CCDC6: variants seen among roughly 807,000 people sequenced by gnomAD.
CCDC6 encodes coiled-coil domain-containing protein 6.
CCDC6 carries 20 observed loss-of-function variants against 56.6 expected under a neutral mutation model. That is an observed-to-expected ratio of 0.35 (90% confidence interval 0.25 to 0.51). The LOEUF is 0.51. Among genes scored for constraint, CCDC6 ranks in the 20% least tolerant of loss-of-function variants. CCDC6 has a pLI of 0.95. For synonymous variants in CCDC6, 241 were observed against 234.4 expected, an observed-to-expected ratio of 1.03 and a Z score of -0.26; for missense variants, 367 against 601.1, an observed-to-expected ratio of 0.61 and a Z score of 4.07.
intron 8 of CCDC6, among the ~76,000 whole-genome samples, chr10:59,793,483 G>A (rs1815637594): frequency 6.6e-6 from 1 of 152,168 alleles, no homozygotes; most frequent in Admixed American, 6.5e-5. Flanking sequence ...CAGCTCAACA[G>A]AAATGTTTCT....
chr10:59,890,143 A>G (rs1438561071), intron 1 of CCDC6, among the ~76,000 whole-genome samples: 3 of 152,218 alleles, frequency 2.0e-5, no homozygotes, highest in Admixed American at 2.0e-4. Flanking sequence ...AAGGCAAGGC[A>G]TAGATAGGCC....
At chr10:59,811,497 T>C (rs553569001) in intron 5 of CCDC6, among the ~76,000 whole-genome samples, 1 of 152,312 alleles carries the variant, frequency 6.6e-6, no homozygotes, top group Non-Finnish European at 1.5e-5. Context: ...GGCATATTCA[T>C]ACAATCAAAT....
At chr10:59,849,722 C>T (rs1360722279) in intron 2 of CCDC6, among the ~76,000 whole-genome samples, 3 of 152,176 alleles carry the variant, frequency 2.0e-5, no homozygotes. Flanking sequence ...GTGAGTGACA[C>T]TTGTAGCATG....
chr10:59,806,713 G>A (rs929008800), intron 6 of CCDC6: 3 of 469,968 alleles, frequency 6.4e-6, no homozygotes, highest in African/African-American at 5.8e-5. Context: ...TTTTAGAGAG[G>A]TGATTTTTTT....
chr10:59,837,472 C>T (rs1308659862), intron 2 of CCDC6, among the ~76,000 whole-genome samples: 2 of 152,080 alleles, frequency 1.3e-5, no homozygotes, highest in African/African-American at 2.4e-5. Flanking sequence ...AGGCCAGGCG[C>T]AGTGGCTCAA....
At chr10:59,865,115 C>A (rs559492977) in intron 1 of CCDC6, among the ~76,000 whole-genome samples, 7 of 152,166 alleles carry the variant, frequency 4.6e-5, no homozygotes, top group Non-Finnish European at 7.3e-5. Context: ...TTACGAGAAA[C>A]CTATCAATGT....
intron 5 of CCDC6, among the ~76,000 whole-genome samples, chr10:59,809,482 C>G (rs2070655192): frequency 6.6e-6 from 1 of 152,168 alleles, no homozygotes; most frequent in Admixed American, 6.5e-5. Flanking sequence ...AGAGAAGGCA[C>G]CAGGTCCAAC....
At chr10:59,884,319 G>C (rs2071367233) in intron 1 of CCDC6, among the ~76,000 whole-genome samples, 1 of 152,194 alleles carries the variant, frequency 6.6e-6, no homozygotes. Flanking sequence ...TTCAGGTCGA[G>C]ACAGCGACGA....
chr10:59,869,389 CA>C (rs1167007522), intron 1 of CCDC6, among the ~76,000 whole-genome samples: 651 of 6,006 alleles, frequency 0.11, 3 homozygotes, highest in African/African-American at 0.29. Context: ...CTTGCTCAGG[CA>C]AAAAAAAAAA....
intron 1 of CCDC6, among the ~76,000 whole-genome samples, chr10:59,902,642 G>A (rs1479416073): frequency 1.3e-5 from 2 of 151,926 alleles, no homozygotes; most frequent in East Asian, 1.9e-4. Context: ...GAGGTGATCC[G>A]CCTGCCTTGG....
intron 1 of CCDC6, among the ~76,000 whole-genome samples, chr10:59,874,141 A>ACACACACG (rs1469138226): frequency 6.6e-6 from 1 of 151,552 alleles, no homozygotes; most frequent in East Asian, 1.9e-4. Context: ...ACACACACAC[A>ACACACACG]CACGCACACA....
At chr10:59,850,768 CTA>C (rs1276240913) in intron 2 of CCDC6, among the ~76,000 whole-genome samples, 1 of 152,056 alleles carries the variant, frequency 6.6e-6, no homozygotes, top group African/African-American at 2.4e-5. Flanking sequence ...CCCTACATTT[CTA>C]TGTCATAGCA....
chr10:59,808,811 TAA>T (rs2070648984), intron 5 of CCDC6, among the ~76,000 whole-genome samples: 1 of 152,234 alleles, frequency 6.6e-6, no homozygotes, highest in African/African-American at 2.4e-5. Flanking sequence ...TTTTAGCCAA[TAA>T]AGACTTCTGA....
At chr10:59,804,288 G>A in intron 7 of CCDC6, 132 bp downstream of exon 7, 1 of 610,276 alleles carries the variant, frequency 1.6e-6, no homozygotes, top group East Asian at 2.8e-5. Flanking sequence ...ATGAGTTTTT[G>A]ATGTTTTTGA....
At chr10:59,892,526 G>A (rs1409005039) in intron 1 of CCDC6, among the ~76,000 whole-genome samples, 5 of 152,206 alleles carry the variant, frequency 3.3e-5, no homozygotes, top group Middle Eastern at 3.4e-3. Context: ...AACCACCCCC[G>A]CTCAGCTTTC....
At chr10:59,901,026 C>T (rs1470907465) in intron 1 of CCDC6, among the ~76,000 whole-genome samples, 1 of 152,018 alleles carries the variant, frequency 6.6e-6, no homozygotes, top group Admixed American at 6.6e-5. Flanking sequence ...CCACTGCACT[C>T]CAGTCTGGGT....
Position 59,793,001 on chromosome 10 carries a change from T to C in CCDC6, c.1341A>G (p.Pro447=). The change falls in exon 9 of 9, where the codon CCA becomes CCG. Residue 447 remains proline, a synonymous_variant. Coordinates refer to ENST00000263102, the MANE Select transcript of CCDC6 (RefSeq NM_005436.5). ...CTGAGGGGACCGTGGGCTGCATGGG[T>C]GGCGGAGGTGGAGGCGGAGGTGGCT... ...PVQPPPPPPP[P]PMQPTVPSAA... The C allele has an allele frequency of 6.2e-7, 1 of 1,612,640 alleles. No homozygotes were observed. Among genetic ancestry groups the C allele is most frequent in the Non-Finnish European group, 8.5e-7 (1 of 1,178,972 alleles).
At chr10:59,843,683 T>G (rs1054403466) in intron 2 of CCDC6, among the ~76,000 whole-genome samples, 1 of 152,216 alleles carries the variant, frequency 6.6e-6, no homozygotes, top group Non-Finnish European at 1.5e-5. Flanking sequence ...AGGAGAAGCT[T>G]GTAGCCTAGG....
At position 59,804,501 on chromosome 10, in the gene CCDC6, C is replaced by T. The variant is rs759049371; in HGVS notation, c.1024G>A (p.Ala342Thr). ...DDERYFNEMS[A>T]QGLRPRTVSS... ...ACAGTGCGAGGTCTTAATCCTTGTG[C>T]AGACATCTCATTAAAATACCTAAGA... The change falls in exon 7 of 9, where the codon GCA becomes ACA. Residue 342 changes from alanine (A) to threonine (T), a missense_variant. By Grantham distance (58) the Ala-to-Thr change is moderately conservative. This residue lies in a region of CCDC6 where 81 missense variants were observed against 150.8 expected (regional missense o/e 0.54). Transcript: ENST00000263102. 1.9e-6 allele frequency: 3 copies of T among 1,608,116 alleles called. No homozygotes were observed. Among genetic ancestry groups the T allele is most frequent in the Non-Finnish European group, 2.6e-6 (3 of 1,174,562 alleles).
Sources: gnomAD v4.1 joint callset for allele counts (sites outside exome capture counted in the v4.1 genomes callset) on GRCh38, gnomAD v4.1.1 for gene constraint, gnomAD v4.1.1 regional missense constraint, MANE v1.5 for transcripts, NCBI Gene and HGNC (gene_info 2026-07-23, HGNC 2026-07-21) for gene names.